The following KCNQ3 variants were observed in gnomAD, a reference collection of about 807,000 sequenced individuals.
KCNQ3 encodes the protein potassium voltage-gated channel subfamily Q member 3.
A neutral mutation model predicts 92.5 loss-of-function variants in KCNQ3; 30 were observed. That is an observed-to-expected ratio of 0.32 (90% CI 0.24 to 0.44). KCNQ3 has a LOEUF of 0.44. Ranked by LOEUF, KCNQ3 falls within the 20% of genes least tolerant of loss-of-function variation. The pLI is 1.00. For missense variants in KCNQ3, 913 were observed against 1,140.3 expected, an observed-to-expected ratio of 0.80 and a Z score of 2.87; for synonymous variants, 450 against 468.8, an observed-to-expected ratio of 0.96 and a Z score of 0.52.
chr8:132,180,391 G>A, intron 3 of KCNQ3, 62 bp from the exon 4 acceptor site: 2 of 1,581,996 alleles, frequency 1.3e-6, no homozygotes, highest in South Asian at 1.1e-5. Context: ...CGAAAGCAAT[G>A]GCGTCATCAT....
chr8:132,371,635 T>C (rs2130738650), intron 1 of KCNQ3, among the ~76,000 whole-genome samples: 1 of 152,288 alleles, frequency 6.6e-6, no homozygotes, highest in South Asian at 2.1e-4. Context: ...GACAAGTATC[T>C]TCAGAGGCAG....
intron 4 of KCNQ3, among the ~76,000 whole-genome samples, chr8:132,177,324 C>T (rs530057736): frequency 6.6e-6 from 1 of 152,276 alleles, no homozygotes; most frequent in Non-Finnish European, 1.5e-5. Context: ...ACAATTTTTG[C>T]TAGCAGCTCT....
At chr8:132,444,118 A>T (rs2130841972) in intron 1 of KCNQ3, among the ~76,000 whole-genome samples, 1 of 152,194 alleles carries the variant, frequency 6.6e-6, no homozygotes, top group South Asian at 2.1e-4. Flanking sequence ...ACCTCTGGCA[A>T]TACACAGAAA....
intron 9 of KCNQ3, among the ~76,000 whole-genome samples, chr8:132,150,626 GT>G (rs1465475458): frequency 6.6e-6 from 1 of 151,152 alleles, no homozygotes; most frequent in Non-Finnish European, 1.5e-5. Context: ...CTGGGAAAAG[GT>G]TTTTTTTTGG....
intron 1 of KCNQ3, among the ~76,000 whole-genome samples, chr8:132,344,257 C>T (rs566956661): frequency 4.6e-5 from 7 of 152,320 alleles, no homozygotes; most frequent in African/African-American, 1.7e-4. Flanking sequence ...ATAAACAGCC[C>T]TTACATTTAC....
intron 1 of KCNQ3, among the ~76,000 whole-genome samples, chr8:132,262,196 G>A (rs1815810365): frequency 6.6e-6 from 1 of 152,192 alleles, no homozygotes; most frequent in Non-Finnish European, 1.5e-5. Context: ...ACCAAAAGTA[G>A]ATTAGAGGTT....
Position 132,126,284 on chromosome 8 carries a change from A to G in KCNQ3, c.*2978T>C, listed in dbSNP as rs1471465664. 6.6e-6 allele frequency: 1 copy of G among 152,160 alleles called. No homozygotes were observed. The highest frequency in any genetic ancestry group is 2.4e-5 in the African/African-American group (1 of 41,446). The allele number at this position is 152,160 out of a possible 1,614,324, so 9.4% of individuals were successfully genotyped here. On this transcript the variant is annotated 3_prime_UTR_variant, in exon 15 of 15. Transcript: ENST00000388996. ...TGTTAACCAGTTCCATTGGATTATC[A>G]TGCTGTTCCCTTGTCTGACAAAAGG...
chr8:132,355,133 C>T (rs1343329637), intron 1 of KCNQ3, among the ~76,000 whole-genome samples: 2 of 152,178 alleles, frequency 1.3e-5, no homozygotes, highest in Non-Finnish European at 2.9e-5. Context: ...TCACAAAGCA[C>T]CTCTAGACCA....
chr8:132,299,775 T>C (rs6471054), intron 1 of KCNQ3, among the ~76,000 whole-genome samples: 113,544 of 152,052 alleles, frequency 0.75, 42,568 homozygotes, highest in East Asian at 0.91. Flanking sequence ...TAATCAGATA[T>C]GCAACTTTTC....
Position 132,319,596 on chromosome 8 carries a change from C to T in KCNQ3, c.387-133415G>A, listed in dbSNP as rs1028415640. On this transcript the variant is annotated intron_variant, in intron 1 of 14. Coordinates refer to ENST00000388996, the MANE Select transcript of KCNQ3 (RefSeq NM_004519.4). ...CAGACCCCGAGGTTGGGCTGACCCT[C>T]GTCCGATGGCCCCGGGAATAAAAGA... 1.5e-4 allele frequency among the ~76,000 whole-genome samples: 23 copies of T among 152,192 alleles called. 1 individual carries two copies. The highest frequency in any genetic ancestry group is 1.3e-3 in the Admixed American group (20 of 15,276).
At chr8:132,280,452 G>T (rs984014381) in intron 1 of KCNQ3, among the ~76,000 whole-genome samples, 1 of 152,110 alleles carries the variant, frequency 6.6e-6, no homozygotes, top group African/African-American at 2.4e-5. Flanking sequence ...GATAGAGTGG[G>T]TGCAGAGATG....
intron 1 of KCNQ3, among the ~76,000 whole-genome samples, chr8:132,328,541 A>G (rs771175780): frequency 1.3e-5 from 2 of 152,132 alleles, no homozygotes; most frequent in Non-Finnish European, 2.9e-5. Flanking sequence ...CAAGTGATTT[A>G]AAGTCTCCTG....
chr8:132,339,843 A>T (rs936986796), intron 1 of KCNQ3, among the ~76,000 whole-genome samples: 5 of 152,128 alleles, frequency 3.3e-5, no homozygotes, highest in Non-Finnish European at 7.3e-5. Flanking sequence ...CCCTGGGAAC[A>T]GAGATGGGGT....
At chr8:132,213,458 GT>G (rs745875212) in intron 1 of KCNQ3, among the ~76,000 whole-genome samples, 11 of 152,184 alleles carry the variant, frequency 7.2e-5, no homozygotes, top group Non-Finnish European at 1.3e-4. Context: ...AGTTTTCCCA[GT>G]TTGGCAGGAC....
intron 1 of KCNQ3, among the ~76,000 whole-genome samples, chr8:132,464,937 T>C (rs764781614): frequency 2.1e-4 from 32 of 152,360 alleles, no homozygotes; most frequent in Non-Finnish European, 4.1e-4. Flanking sequence ...CAGCATGTCT[T>C]GAGTTTGATC....
At chr8:132,405,102 C>T (rs1820441606) in intron 1 of KCNQ3, among the ~76,000 whole-genome samples, 1 of 152,186 alleles carries the variant, frequency 6.6e-6, no homozygotes, top group African/African-American at 2.4e-5. Flanking sequence ...ACAACAGCAG[C>T]AGATGACACA....
chr8:132,154,199 T>TTTTTTTTTTTTTTTTG (rs1825730094), intron 9 of KCNQ3, among the ~76,000 whole-genome samples: 1 of 35,942 alleles, frequency 2.8e-5, no homozygotes, highest in Non-Finnish European at 5.8e-5. Context: ...AAAAGTTTTT[T>TTTTTTTTTTTTTTTTG]TTTTTTTTTT....
At position 132,138,982 on chromosome 8, in the gene KCNQ3, A is replaced by G. The variant is rs903857936; in HGVS notation, c.1569-966T>C. Among the ~76,000 whole-genome samples the G allele has an allele frequency of 3.9e-5, 6 of 152,202 alleles. No homozygotes were observed. In the East Asian group the frequency reaches 1.2e-3, roughly 29 times the overall value. The stretch of plus-strand genomic sequence containing the variant: ...AAGGCTCACAGGCCAACTCTGGCTC[A>G]CTGCCTGATTTTGATAGTAAGGTTT... On this transcript the variant is annotated intron_variant, in intron 11 of 14. Transcript: ENST00000388996.
At chr8:132,264,991 A>T (rs1008756001) in intron 1 of KCNQ3, among the ~76,000 whole-genome samples, 1 of 152,210 alleles carries the variant, frequency 6.6e-6, no homozygotes, top group African/African-American at 2.4e-5. Flanking sequence ...CAGACCTGTG[A>T]GTTGTGTGAC....
Sources: allele counts gnomAD v4.1 joint callset (sites outside exome capture counted in the v4.1 genomes callset), GRCh38; gene constraint gnomAD v4.1.1; transcripts MANE v1.5; gene names NCBI Gene and HGNC (gene_info 2026-07-23, HGNC 2026-07-21).